The following SV2C variants were observed in gnomAD, a reference collection of about 807,000 sequenced individuals.
The protein encoded by SV2C is solute carrier family 22 member B3.
SV2C carries 49 observed loss-of-function variants against 79.7 expected under a neutral mutation model. That is an observed-to-expected ratio of 0.61 (90% CI 0.49 to 0.78). The LOEUF (loss-of-function observed/expected upper bound fraction) is 0.78. Among genes scored for constraint, SV2C ranks in the 30% least tolerant of loss-of-function variants. The probability of loss-of-function intolerance (pLI) is 0.00; values close to 1 mark genes in which losing one functional copy is unlikely to be tolerated. For synonymous variants in SV2C, 334 were observed against 333.2 expected (o/e 1.00, Z -0.03); for missense variants, 833 against 912.9 (o/e 0.91, Z 1.13).
the SV2C span, among the ~76,000 whole-genome samples, chr5:75,885,595 A>G: frequency 6.6e-6 from 1 of 152,152 alleles, no homozygotes; most frequent in East Asian, 1.9e-4. Context: ...CTTTTTAAAA[A>G]AAGTATTCAC....
intron 2 of SV2C, among the ~76,000 whole-genome samples, chr5:76,144,716 A>T (rs34942575): frequency 0.11 from 16,964 of 152,224 alleles, 1,029 homozygotes; most frequent in Non-Finnish European, 0.14. Flanking sequence ...TATTCAGAAG[A>T]TGAGAACCTT....
chr5:76,317,323 A>C (rs1195109681), intron 12 of SV2C, among the ~76,000 whole-genome samples: 1 of 152,190 alleles, frequency 6.6e-6, no homozygotes, highest in Non-Finnish European at 1.5e-5. Context: ...TACTTTTCAA[A>C]ATGCCCCATG....
chr5:75,969,659 C>A, the SV2C span, among the ~76,000 whole-genome samples: 4 of 152,026 alleles, frequency 2.6e-5, no homozygotes, highest in Middle Eastern at 6.4e-3. Context: ...ACAGGAGCAC[C>A]CAGATTCATA....
intron 4 of SV2C, among the ~76,000 whole-genome samples, chr5:76,276,781 C>T (rs1468297029): frequency 6.6e-6 from 1 of 150,844 alleles, no homozygotes; most frequent in African/African-American, 2.4e-5. Context: ...GTTACCCAGT[C>T]TGGTCTCAAA....
chr5:76,220,865 A>T (rs1422612670), intron 4 of SV2C, among the ~76,000 whole-genome samples: 1 of 152,180 alleles, frequency 6.6e-6, no homozygotes, highest in African/African-American at 2.4e-5. Flanking sequence ...GGAAGGATTC[A>T]TAAGGATATG....
the SV2C span, among the ~76,000 whole-genome samples, chr5:75,876,811 ATATTAT>A: frequency 1.3e-5 from 2 of 152,134 alleles, no homozygotes; most frequent in Non-Finnish European, 2.9e-5. Context: ...AAAGTGGTTA[ATATTAT>A]TAGGCATAAA....
intron 12 of SV2C, among the ~76,000 whole-genome samples, chr5:76,311,869 A>C (rs527921000): frequency 6.6e-6 from 1 of 152,344 alleles, no homozygotes; most frequent in African/African-American, 2.4e-5. Flanking sequence ...GGTAGAACTG[A>C]GAACACCAAC....
chr5:76,016,645 T>G, the SV2C span, among the ~76,000 whole-genome samples: 1 of 152,192 alleles, frequency 6.6e-6, no homozygotes, highest in Non-Finnish European at 1.5e-5. Context: ...AGGGTTTGTG[T>G]GATGATGTAA....
At chr5:76,300,558 A>G (rs1747954381) in intron 10 of SV2C, among the ~76,000 whole-genome samples, 171 bp from the exon 11 acceptor site, 1 of 152,170 alleles carries the variant, frequency 6.6e-6, no homozygotes, top group Non-Finnish European at 1.5e-5. Context: ...GAAGACCCAG[A>G]CTAGATCCTA....
chr5:75,970,342 A>G, the SV2C span, among the ~76,000 whole-genome samples: 1 of 152,134 alleles, frequency 6.6e-6, no homozygotes, highest in African/African-American at 2.4e-5. Context: ...ACTGAAGGCA[A>G]TAGAGACATA....
the SV2C span, among the ~76,000 whole-genome samples, chr5:75,904,239 C>T: frequency 1.3e-5 from 2 of 151,870 alleles, no homozygotes; most frequent in Non-Finnish European, 1.5e-5. Flanking sequence ...TTTATTTTGG[C>T]GAGGGTATTT....
At chr5:75,931,401 G>A in the SV2C span, among the ~76,000 whole-genome samples, 1 of 152,176 alleles carries the variant, frequency 6.6e-6, no homozygotes, top group Non-Finnish European at 1.5e-5. Flanking sequence ...GGGATACTTG[G>A]ATCATATGCT....
intron 9 of SV2C, among the ~76,000 whole-genome samples, chr5:76,297,834 C>T (rs1747829640): frequency 6.6e-6 from 1 of 152,018 alleles, no homozygotes. Context: ...AGGATCAGTC[C>T]CTTTCTGCCC....
chr5:76,223,497 G>A (rs78694522), intron 4 of SV2C, among the ~76,000 whole-genome samples: 3,813 of 21,042 alleles, frequency 0.18, 208 homozygotes, highest in African/African-American at 0.22. Flanking sequence ...ATATATATAT[G>A]TATATGTATA....
chr5:75,942,729 A>G, the SV2C span, among the ~76,000 whole-genome samples: 4 of 152,172 alleles, frequency 2.6e-5, no homozygotes, highest in Admixed American at 2.0e-4. Context: ...AAACTCAACT[A>G]TCTTGGGAAA....
chr5:76,240,290 G>T (rs1745744497), intron 4 of SV2C, among the ~76,000 whole-genome samples: 1 of 152,194 alleles, frequency 6.6e-6, no homozygotes. Flanking sequence ...GATAACTTCT[G>T]CTTAAAGCAG....
chr5:76,033,732 C>T, the SV2C span, among the ~76,000 whole-genome samples: 1 of 152,100 alleles, frequency 6.6e-6, no homozygotes, highest in Non-Finnish European at 1.5e-5. Context: ...GCAATGAGGG[C>T]TCTTTTTTGG....
At chr5:75,970,088 A>G in the SV2C span, among the ~76,000 whole-genome samples, 14 of 152,150 alleles carry the variant, frequency 9.2e-5, 1 homozygote, top group African/African-American at 3.4e-4. Flanking sequence ...GTACATAACA[A>G]AATGAAGGCA....
rs79290083 is a variant in SV2C, at chr5:76,236,679, A to G, written c.913+26792A>G. 2.6e-5 allele frequency among the ~76,000 whole-genome samples: 4 copies of G among 152,298 alleles called. No individual in the cohort carries two copies. The East Asian group carries it at 7.7e-4, about 29-fold the overall frequency. On this transcript the variant is annotated intron_variant, in intron 4 of 12. Coordinates refer to ENST00000502798, the MANE Select transcript of SV2C (RefSeq NM_014979.4). The stretch of plus-strand genomic sequence containing the variant: ...TAAAGTGAGAACTCACTCATTTTCT[A>G]CCACTGCAGGGAGAGCATTAATCTA...
Sources: allele counts gnomAD v4.1 joint callset (sites outside exome capture counted in the v4.1 genomes callset), GRCh38; gene constraint gnomAD v4.1.1; transcripts MANE v1.5; gene names NCBI Gene and HGNC (gene_info 2026-07-23, HGNC 2026-07-21).